The following PLCG1 variants were observed in gnomAD, a reference collection of about 807,000 sequenced individuals.
PLCG1 encodes phospholipase C gamma 1.
A neutral mutation model predicts 177.8 loss-of-function variants in PLCG1; 71 were observed. The ratio of observed to expected loss-of-function variants is 0.40; its 90% CI spans 0.33 to 0.49. PLCG1 has a LOEUF of 0.49. PLCG1 is among the 20% of genes least tolerant of loss of function. The pLI, the probability that PLCG1 is intolerant of heterozygous loss-of-function variation, is 0.72. For synonymous variants in PLCG1, 658 were observed against 647.9 expected, an observed-to-expected ratio of 1.02 and a Z score of -0.24; for missense variants, 1,281 against 1,709.0, an observed-to-expected ratio of 0.75 and a Z score of 4.42.
chr20:41,162,394 C>G, intron 4 of PLCG1, 58 bp from the exon 5 acceptor site: 2 of 1,383,236 alleles, frequency 1.4e-6, no homozygotes, highest in Non-Finnish European at 2.1e-6. Flanking sequence ...GCTCGACCCA[C>G]AGGTCAGAGG....
rs1410560051 is a variant in PLCG1, at chr20:41,172,707, C to T, written c.3131-22C>T. On this transcript the variant is annotated intron_variant, in intron 26 of 31. Coordinates refer to ENST00000685551, the MANE Select transcript of PLCG1 (RefSeq NM_002660.3). The surrounding 1 kb of genome is among the most constrained non-coding windows in gnomAD (Gnocchi z 7.0). ...ACTGTGGGGCAGCTGGACTGGAATA[C>T]ACCATAATCTGCCTCTTCCAGACAA... The T allele has an allele frequency of 3.1e-6, 5 of 1,613,302 alleles. No individual in the cohort carries two copies. The highest frequency in any genetic ancestry group is 1.1e-5 in the South Asian group (1 of 91,044).
In PLCG1 at chr20:41,156,004, A is replaced by G. The variant is rs2035310385; in HGVS notation, c.218-3602A>G. Among the ~76,000 whole-genome samples the G allele has an allele frequency of 6.6e-6, 1 of 152,206 alleles. No individual in the cohort carries two copies. Among genetic ancestry groups the G allele is most frequent in the Admixed American group, 6.5e-5 (1 of 15,282 alleles). ...AAAGAGCAGGAGAAGGCAGATCTCC[A>G]TCAGGGCAGGGAGCAGAGCAAGGCC... On this transcript the variant is annotated intron_variant, in intron 1 of 31. Transcript: ENST00000685551. The surrounding 1 kb of genome is among the most constrained non-coding windows in gnomAD (Gnocchi z 5.0).
Position 41,170,116 on chromosome 20 carries a change from C to A in PLCG1, c.2655C>A (p.Ile885=). The A allele has an allele frequency of 6.2e-7, 1 of 1,609,344 alleles. No homozygotes were observed. The highest frequency in any genetic ancestry group is 8.5e-7 in the Non-Finnish European group (1 of 1,176,820). ...VLDVPACQIA[I]RPEGKNNRLF... The stretch of plus-strand genomic sequence containing the variant: ...TATCTGCTCTCGCCCTCCCAGCCAT[C>A]CGTCCTGAGGGCAAGAACAACCGGC... The change falls in exon 24 of 32, where the codon ATC becomes ATA. Residue 885 remains isoleucine, a synonymous_variant. Coordinates refer to ENST00000685551, the MANE Select transcript of PLCG1 (RefSeq NM_002660.3).
chr20:41,163,697 C>T lies in PLCG1; in HGVS notation c.892-18C>T, dbSNP rs1485304220. 1 of 1,524,896 alleles carries T rather than the reference C, an allele frequency of 6.6e-7. No individual in the cohort carries two copies. The allele number at this position is 1,524,896 out of a possible 1,614,324, so 94.5% of individuals were successfully genotyped here. A position where few individuals can be genotyped will look rare whatever the true frequency, so the allele number is the denominator to read the frequency against. ...GCAGGGACTCACTGTCTCTTCCCTT[C>T]CACATGTTTCTGGACAGTTTGTCAC... On this transcript the variant is annotated intron_variant, in intron 9 of 31. Coordinates refer to ENST00000685551, the MANE Select transcript of PLCG1 (RefSeq NM_002660.3). This position sits in a 1 kb window ranked among gnomAD's most constrained non-coding sequence, Gnocchi z 5.2.
chr20:41,141,879 T>C (rs1305580338), intron 1 of PLCG1, among the ~76,000 whole-genome samples: 1 of 151,958 alleles, frequency 6.6e-6, no homozygotes, highest in Non-Finnish European at 1.5e-5. Flanking sequence ...TCCAGACTCT[T>C]GTGTGTGTGT....
Position 41,167,966 on chromosome 20 carries a change from G to C in PLCG1, c.2379+37G>C. On this transcript the variant is annotated intron_variant, in intron 20 of 31. Coordinates refer to ENST00000685551, the MANE Select transcript of PLCG1 (RefSeq NM_002660.3). This position sits in a 1 kb window ranked among gnomAD's most constrained non-coding sequence, Gnocchi z 4.4. Reference sequence around the variant, plus strand: ...GCCTCTGGGCATAGGAAGCTGGGGAGGGTCCCCAGCTGCTTGGGGCTTCAT... The same window carrying C: ...GCCTCTGGGCATAGGAAGCTGGGGACGGTCCCCAGCTGCTTGGGGCTTCAT... The C allele has an allele frequency of 7.9e-6, 11 of 1,389,896 alleles. No homozygotes were observed. Among genetic ancestry groups the C allele is most frequent in the African/African-American group, 1.4e-5 (1 of 70,810 alleles). The allele number at this position is 1,389,896 out of a possible 1,614,324, so 86.1% of individuals were successfully genotyped here.
chr20:41,169,389 A>C, intron 22 of PLCG1, 68 bp from the exon 23 acceptor site: 3 of 1,244,536 alleles, frequency 2.4e-6, no homozygotes, highest in Non-Finnish European at 2.4e-6. Context: ...TGTCCCATGC[A>C]CACGGATATC....
rs1325033331 is a variant in PLCG1, at chr20:41,169,537, A to G, written c.2650+11A>G. 3.7e-6 allele frequency: 6 copies of G among 1,605,744 alleles called. No homozygotes were observed. Among genetic ancestry groups the G allele is most frequent in the African/African-American group, 1.3e-5 (1 of 74,760 alleles). On this transcript the variant is annotated intron_variant, in intron 23 of 31. Transcript: ENST00000685551. Reference sequence around the variant, plus strand: ...CGGCTTGTCAGATTGGTGAGCTCCCATCTGTTTCTCTTGCCCACTGTTCCC... The same window carrying G: ...CGGCTTGTCAGATTGGTGAGCTCCCGTCTGTTTCTCTTGCCCACTGTTCCC...
At chr20:41,169,023 C>T (rs774915312) in intron 21 of PLCG1, 56 bp from the exon 22 acceptor site, 8 of 1,398,338 alleles carry the variant, frequency 5.7e-6, no homozygotes, top group Non-Finnish European at 8.1e-6. Context: ...AAAGGATACC[C>T]TCCTCATGGG....
In PLCG1 at chr20:41,176,525, G is replaced by A. The variant is rs1248660519; in HGVS notation, c.*2016G>A. On this transcript the variant is annotated 3_prime_UTR_variant, in exon 32 of 32. Transcript: ENST00000685551. Reference sequence around the variant, plus strand: ...TAGGACGTCCTTGGCGTGTTTGTTAGTGTTGACCCTTTTAGTTTTCATCAA... The same window carrying A: ...TAGGACGTCCTTGGCGTGTTTGTTAATGTTGACCCTTTTAGTTTTCATCAA... 1 of 152,192 alleles carries A rather than the reference G, an allele frequency of 6.6e-6. No homozygotes were observed. Among genetic ancestry groups the A allele is most frequent in the Non-Finnish European group, 1.5e-5 (1 of 68,042 alleles). The allele number at this position is 152,192 out of a possible 1,614,324, so 9.4% of individuals were successfully genotyped here.
rs760422747 is a variant in PLCG1 at position 41,174,472 on chromosome 20, CAAG to C, written c.3843_3845del (p.Arg1282del). On this transcript the variant is annotated inframe_deletion, in exon 32 of 32. Transcript: ENST00000685551. The surrounding 1 kb of genome is among the most constrained non-coding windows in gnomAD (Gnocchi z 5.8). ...CACTCTTCCCTTCTGTCCAGGGCCC[CAAG>C]AAGGACTCGGGTCAATGGAGACAAC... The C allele has an allele frequency of 6.3e-7, 1 of 1,589,210 alleles. No individual in the cohort carries two copies. Among genetic ancestry groups the C allele is most frequent in the South Asian group, 1.1e-5 (1 of 88,082 alleles).
chr20:41,169,536 C>T lies in PLCG1; in HGVS notation c.2650+10C>T. 4 of 1,603,264 alleles carry T rather than the reference C, an allele frequency of 2.5e-6. No homozygotes were observed. The highest frequency in any genetic ancestry group is 2.2e-5 in the South Asian group (2 of 90,848). ...CCGGCTTGTCAGATTGGTGAGCTCC[C>T]ATCTGTTTCTCTTGCCCACTGTTCC... On this transcript the variant is annotated intron_variant, in intron 23 of 31. Transcript: ENST00000685551.
chr20:41,139,289 A>G (rs1312946965), intron 1 of PLCG1, among the ~76,000 whole-genome samples: 1 of 152,188 alleles, frequency 6.6e-6, no homozygotes, highest in Non-Finnish European at 1.5e-5. Context: ...ATTCCAAAGT[A>G]AAGGAAGAAT....
Position 41,144,687 on chromosome 20 carries a change from A to G in PLCG1, c.217+6829A>G, listed in dbSNP as rs1466488815. On this transcript the variant is annotated intron_variant, in intron 1 of 31. Transcript: ENST00000685551. This position sits in a 1 kb window ranked among gnomAD's most constrained non-coding sequence, Gnocchi z 4.1. ...TTTCCAGGATTCTCTATGACAACTC[A>G]AGAGCATGCATTCATTCATGTGCTC... is the stretch of plus-strand genomic sequence containing the variant. Among the ~76,000 whole-genome samples the G allele has an allele frequency of 4.6e-5, 7 of 152,130 alleles. No homozygotes were observed. The highest frequency in any genetic ancestry group is 3.3e-4 in the Admixed American group (5 of 15,278).
chr20:41,143,214 G>A lies in PLCG1; in HGVS notation c.217+5356G>A, dbSNP rs555160072. 1.1e-4 allele frequency among the ~76,000 whole-genome samples: 16 copies of A among 152,284 alleles called. No individual in the cohort carries two copies. In the East Asian group the frequency reaches 2.1e-3, roughly 20 times the overall value. The stretch of plus-strand genomic sequence containing the variant: ...GGAAGTGCTCTAATGCCACAGCCTC[G>A]ATGTGGTAGGGCCTGCCTCTGCTGT... On this transcript the variant is annotated intron_variant, in intron 1 of 31. Transcript: ENST00000685551.
At position 41,160,141 on chromosome 20, in the gene PLCG1, A is replaced by G. The variant is rs907973449; in HGVS notation, c.500A>G (p.Asn167Ser). The G allele has an allele frequency of 1.1e-5, 17 of 1,614,006 alleles. No homozygotes were observed. Among genetic ancestry groups the G allele is most frequent in the Non-Finnish European group, 1.4e-5 (17 of 1,179,914 alleles). Residue 167 changes from asparagine to serine, a missense_variant, in exon 4 of 32, where the codon AAT (asparagine) becomes AGT (serine). Physicochemically the swap from Asn to Ser is conservative, Grantham distance 46 (BLOSUM62 1). This residue lies in a region of PLCG1 where 374 missense variants were observed against 443.8 expected (regional missense o/e 0.84). Transcript: ENST00000685551. This position sits in a 1 kb window ranked among gnomAD's most constrained non-coding sequence, Gnocchi z 5.5. ...AAGCAGTTTTACTCAGTGGATCGGA[A>G]TCGTGAGGATCGGTAAGTACTGAGC... The part of the protein sequence containing the change: ...LRKQFYSVDR[N>S]REDRISAKDL...
chr20:41,168,508 G>C (rs1295485627), intron 20 of PLCG1, among the ~76,000 whole-genome samples: 1 of 152,230 alleles, frequency 6.6e-6, no homozygotes, highest in Non-Finnish European at 1.5e-5. Flanking sequence ...TGTGGCCCAG[G>C]GTGGGGCTTA....
chr20:41,173,817 A>C lies in PLCG1; in HGVS notation c.3556+4A>C. ...CCAGTAAAAGGCCTGAAGACAGGTG[A>C]GGACCATTCCTGGAGGCAGTGCCCC... On this transcript the variant is annotated splice_donor_region_variant and intron_variant, in intron 29 of 31. Transcript: ENST00000685551. This position sits in a 1 kb window ranked among gnomAD's most constrained non-coding sequence, Gnocchi z 6.2. 6.2e-7 allele frequency: 1 copy of C among 1,613,230 alleles called. No individual in the cohort carries two copies. Among genetic ancestry groups the C allele is most frequent in the Non-Finnish European group, 8.5e-7 (1 of 1,179,410 alleles).
In PLCG1 at chr20:41,164,921, C is replaced by G; in HGVS notation, c.1218-12C>G. On this transcript the variant is annotated splice_polypyrimidine_tract_variant and intron_variant, in intron 12 of 31. Transcript: ENST00000685551. The surrounding 1 kb of genome is among the most constrained non-coding windows in gnomAD (Gnocchi z 6.4). ...AGAATCTGTTTCACTGTGCTTGTCC[C>G]CCATCCCGCAGGTACCCAGTCATCC... 1 of 1,611,264 alleles carries G rather than the reference C, an allele frequency of 6.2e-7. No homozygotes were observed. Among genetic ancestry groups the G allele is most frequent in the Non-Finnish European group, 8.5e-7 (1 of 1,178,094 alleles).
Sources: allele counts gnomAD v4.1 joint callset (sites outside exome capture counted in the v4.1 genomes callset), GRCh38; gene constraint gnomAD v4.1.1; regional missense constraint gnomAD v4.1.1; non-coding constraint Gnocchi (gnomAD v3.1); transcripts MANE v1.5; gene names NCBI Gene and HGNC (gene_info 2026-07-23, HGNC 2026-07-21).